Variants in ZSCAN5A observed in about 807,000 individuals in gnomAD.
The protein encoded by ZSCAN5A is zinc finger and SCAN domain-containing protein 5A.
ZSCAN5A carries 12 observed loss-of-function variants against 23.7 expected under a neutral mutation model. That is an observed-to-expected ratio of 0.51 (90% confidence interval 0.32 to 0.82). ZSCAN5A has a LOEUF of 0.82. ZSCAN5A is among the 40% of genes least tolerant of loss of function. The probability of loss-of-function intolerance (pLI) is 0.03; values close to 1 mark genes in which losing one functional copy is unlikely to be tolerated. For missense variants in ZSCAN5A, 597 were observed against 617.9 expected, an observed-to-expected ratio of 0.97 and a Z score of 0.36; for synonymous variants, 257 against 239.9, an observed-to-expected ratio of 1.07 and a Z score of -0.66.
At chr19:56,321,533 G>C (rs2041375719) in intron 2 of ZSCAN5A, 1 of 737,046 alleles carries the variant, frequency 1.4e-6, no homozygotes, top group Non-Finnish European at 2.5e-6. Flanking sequence ...TTCGCTGTCT[G>C]TCTGGGTGTC....
intron 2 of ZSCAN5A, among the ~76,000 whole-genome samples, chr19:56,305,179 C>T (rs1047567293): frequency 6.6e-6 from 1 of 152,114 alleles, no homozygotes; most frequent in African/African-American, 2.4e-5. Context: ...ATTGTGTGGC[C>T]ATCACCACTA....
intron 2 of ZSCAN5A, chr19:56,243,952 A>G (rs538297272): frequency 2.0e-5 from 12 of 588,700 alleles, no homozygotes; most frequent in Non-Finnish European, 3.6e-5. Flanking sequence ...ATTGAGGAAA[A>G]CCAAAGGAGG....
intron 2 of ZSCAN5A, among the ~76,000 whole-genome samples, chr19:56,296,961 C>T (rs1306354458): frequency 1.3e-5 from 2 of 151,962 alleles, no homozygotes; most frequent in South Asian, 2.1e-4. Context: ...CCTAGCTACT[C>T]GGGAGGTTGA....
At chr19:56,342,657 C>A in intron 2 of ZSCAN5A, 1 of 538,972 alleles carries the variant, frequency 1.9e-6, no homozygotes, top group Non-Finnish European at 3.5e-6. Context: ...ATCTTGACCT[C>A]CTGCCAGTAG....
At chr19:56,327,743 A>G (rs989415800) in intron 2 of ZSCAN5A, among the ~76,000 whole-genome samples, 2 of 151,600 alleles carry the variant, frequency 1.3e-5, no homozygotes, top group African/African-American at 2.4e-5. Context: ...TTACACATCT[A>G]CTAATATATG....
chr19:56,295,571 G>T (rs899399982), intron 2 of ZSCAN5A, among the ~76,000 whole-genome samples: 6 of 152,102 alleles, frequency 3.9e-5, no homozygotes, highest in Admixed American at 3.9e-4. Flanking sequence ...CCCCAGTCTG[G>T]GCAACAGAGC....
chr19:56,295,411 T>C (rs1387398704), intron 2 of ZSCAN5A, among the ~76,000 whole-genome samples: 1 of 151,986 alleles, frequency 6.6e-6, no homozygotes. Flanking sequence ...CTGGCCAACG[T>C]GGTGAAACCT....
intron 2 of ZSCAN5A, among the ~76,000 whole-genome samples, chr19:56,230,584 G>A (rs966525160): frequency 1.3e-5 from 2 of 151,384 alleles, no homozygotes; most frequent in Non-Finnish European, 2.9e-5. Flanking sequence ...TTACAGGCAC[G>A]AGCCACATCT....
chr19:56,247,021 C>A, intron 2 of ZSCAN5A: 3 of 1,017,976 alleles, frequency 2.9e-6, no homozygotes, highest in Non-Finnish European at 4.6e-6. Flanking sequence ...TGCAGTCAGT[C>A]ACCCCAATGG....
intron 2 of ZSCAN5A, among the ~76,000 whole-genome samples, chr19:56,253,633 G>C (rs2036508982): frequency 6.6e-6 from 1 of 151,086 alleles, no homozygotes; most frequent in South Asian, 2.1e-4. Context: ...TAAGGACTGA[G>C]GTGAACAGTT....
intron 2 of ZSCAN5A, among the ~76,000 whole-genome samples, chr19:56,272,188 ATACT>A (rs1397480493): frequency 6.6e-6 from 1 of 152,228 alleles, no homozygotes; most frequent in Admixed American, 6.5e-5. Flanking sequence ...TGTAAAAACA[ATACT>A]TACTTCTGAG....
chr19:56,292,485 G>C (rs774113492), intron 2 of ZSCAN5A, among the ~76,000 whole-genome samples: 9 of 103,642 alleles, frequency 8.7e-5, no homozygotes, highest in Non-Finnish European at 1.9e-4. Flanking sequence ...TTTTTGTTTT[G>C]CTTTGTTGCC....
intron 2 of ZSCAN5A, among the ~76,000 whole-genome samples, chr19:56,242,398 T>G (rs60791142): frequency 0.08 from 12,164 of 152,130 alleles, 628 homozygotes; most frequent in Non-Finnish European, 0.11. Flanking sequence ...TGCTCTGGAG[T>G]AGTTTGAGTT....
At chr19:56,248,460 C>T (rs959081927) in intron 2 of ZSCAN5A, among the ~76,000 whole-genome samples, 3 of 151,966 alleles carry the variant, frequency 2.0e-5, no homozygotes, top group African/African-American at 4.8e-5. Flanking sequence ...GGTTTTGCCA[C>T]GTTGCCCAGC....
intron 2 of ZSCAN5A, among the ~76,000 whole-genome samples, chr19:56,344,237 C>T (rs2041614863): frequency 6.6e-6 from 1 of 152,196 alleles, no homozygotes; most frequent in South Asian, 2.1e-4. Flanking sequence ...TTCCCAAAAC[C>T]AACTTCCTTA....
chr19:56,346,708 TTA>T (rs1054188623), intron 2 of ZSCAN5A, among the ~76,000 whole-genome samples: 9 of 151,656 alleles, frequency 5.9e-5, no homozygotes, highest in African/African-American at 2.2e-4. Context: ...TTACTTTTTT[TTA>T]TTTTTTATTT....
intron 1 of ZSCAN5A, chr19:56,365,959 G>T (rs1482870395): frequency 6.6e-6 from 1 of 152,280 alleles, no homozygotes; most frequent in Non-Finnish European, 1.5e-5. Flanking sequence ...TCTGGCAGGG[G>T]AAGAGGAAGA....
At chr19:56,309,695 C>T (rs1434760951) in intron 2 of ZSCAN5A, among the ~76,000 whole-genome samples, 2 of 152,192 alleles carry the variant, frequency 1.3e-5, no homozygotes, top group African/African-American at 4.8e-5. Context: ...GGGGGTGCAG[C>T]CCAGCCAGGC....
At chr19:56,271,297 C>T (rs2146955920) in intron 2 of ZSCAN5A, among the ~76,000 whole-genome samples, 1 of 152,360 alleles carries the variant, frequency 6.6e-6, no homozygotes, top group South Asian at 2.1e-4. Flanking sequence ...CACTACCCTG[C>T]CTGCCTTTGA....
Sources: gnomAD v4.1 joint callset for allele counts (sites outside exome capture counted in the v4.1 genomes callset) on GRCh38, gnomAD v4.1.1 for gene constraint, MANE v1.5 for transcripts, NCBI Gene and HGNC (gene_info 2026-07-23, HGNC 2026-07-21) for gene names.